DIAPH3: variants seen among roughly 807,000 people sequenced by gnomAD.
DIAPH3 encodes protein diaphanous homolog 3.
DIAPH3 carries 117 observed loss-of-function variants against 144.3 expected under a neutral mutation model. That is an observed-to-expected ratio of 0.81 (90% confidence interval 0.70 to 0.95). DIAPH3 has a LOEUF of 0.95. Ranked by LOEUF, DIAPH3 falls within the 40% of genes least tolerant of loss-of-function variation. DIAPH3 has a pLI of 0.00. For missense variants in DIAPH3, 1,421 were observed against 1,412.7 expected, an observed-to-expected ratio of 1.01 and a Z score of -0.09; for synonymous variants, 519 against 488.9, an observed-to-expected ratio of 1.06 and a Z score of -0.81.
At chr13:60,102,952 A>G (rs1225833) in intron 3 of DIAPH3, among the ~76,000 whole-genome samples, 34,282 of 151,884 alleles carry the variant, frequency 0.23, 4,052 homozygotes, top group South Asian at 0.27. Flanking sequence ...AGTCAGCGGC[A>G]GCCCTTACCT....
At chr13:59,880,777 T>C (rs2044970765) in intron 20 of DIAPH3, among the ~76,000 whole-genome samples, 1 of 151,966 alleles carries the variant, frequency 6.6e-6, no homozygotes, top group Non-Finnish European at 1.5e-5. Flanking sequence ...AGTTCCATTT[T>C]CAAATAATAT....
intron 14 of DIAPH3, 23 bp downstream of exon 14, chr13:59,980,772 T>C (rs746018102): frequency 8.2e-6 from 13 of 1,590,800 alleles, no homozygotes; most frequent in East Asian, 2.2e-5. Context: ...CAGAATACTA[T>C]AAAGTTAGTG....
intron 21 of DIAPH3, among the ~76,000 whole-genome samples, chr13:59,871,183 G>T (rs1205419617): frequency 9.9e-6 from 1 of 101,090 alleles, no homozygotes; most frequent in African/African-American, 3.4e-5. Context: ...TTTATTTTTT[G>T]TCCATTTTTT....
chr13:59,942,459 A>C (rs1223552539), intron 17 of DIAPH3, among the ~76,000 whole-genome samples: 1 of 152,166 alleles, frequency 6.6e-6, no homozygotes, highest in Admixed American at 6.5e-5. Context: ...AAAAAAATCT[A>C]AACATGCTAT....
At chr13:60,104,736 A>C (rs1487759852) in intron 3 of DIAPH3, among the ~76,000 whole-genome samples, 1 of 152,214 alleles carries the variant, frequency 6.6e-6, no homozygotes, top group Non-Finnish European at 1.5e-5. Context: ...AGAATTGTTC[A>C]AGTGTATGCA....
chr13:60,146,784 C>G (rs1475608322), intron 1 of DIAPH3, among the ~76,000 whole-genome samples: 3 of 152,090 alleles, frequency 2.0e-5, no homozygotes, highest in African/African-American at 7.2e-5. Context: ...GATTATCGCA[C>G]CATTCAAACA....
At chr13:59,701,106 G>A (rs1034018699) in intron 27 of DIAPH3, among the ~76,000 whole-genome samples, 9 of 152,026 alleles carry the variant, frequency 5.9e-5, no homozygotes, top group African/African-American at 2.2e-4. Context: ...CCCAGCCTCT[G>A]CCTCCAAGTC....
At chr13:59,887,813 T>C (rs1168144082) in intron 20 of DIAPH3, among the ~76,000 whole-genome samples, 1 of 152,092 alleles carries the variant, frequency 6.6e-6, no homozygotes, top group Non-Finnish European at 1.5e-5. Context: ...TAAAGTCTCA[T>C]TATGATTGAG....
At chr13:59,831,316 T>C (rs2041766562) in intron 24 of DIAPH3, among the ~76,000 whole-genome samples, 1 of 151,864 alleles carries the variant, frequency 6.6e-6, no homozygotes, top group Admixed American at 6.6e-5. Context: ...GAAAAGCCAT[T>C]ATATTCACTG....
chr13:60,080,686 A>G (rs2057527242), intron 4 of DIAPH3, among the ~76,000 whole-genome samples: 1 of 151,886 alleles, frequency 6.6e-6, no homozygotes. Context: ...TTTTCTGTCT[A>G]TAGGATAATT....
At chr13:59,780,886 C>T (rs919657543) in intron 25 of DIAPH3, among the ~76,000 whole-genome samples, 3 of 152,118 alleles carry the variant, frequency 2.0e-5, no homozygotes, top group South Asian at 2.1e-4. Flanking sequence ...GCTGGAAATT[C>T]GGGCCTCAAA....
At chr13:60,083,711 C>A (rs2057642337) in intron 4 of DIAPH3, among the ~76,000 whole-genome samples, 1 of 151,918 alleles carries the variant, frequency 6.6e-6, no homozygotes. Flanking sequence ...AGTGATTGGA[C>A]AGAATAGACC....
At chr13:59,723,407 T>C (rs925170614) in intron 27 of DIAPH3, among the ~76,000 whole-genome samples, 9 of 152,116 alleles carry the variant, frequency 5.9e-5, no homozygotes, top group Non-Finnish European at 1.2e-4. Flanking sequence ...CAACTTTCCA[T>C]AAGATGTTAT....
intron 2 of DIAPH3, among the ~76,000 whole-genome samples, chr13:60,132,184 T>C (rs1233852184): frequency 6.6e-6 from 1 of 152,200 alleles, no homozygotes; most frequent in Non-Finnish European, 1.5e-5. Context: ...TATTCTGCCT[T>C]ACCCAGGTGC....
chr13:59,896,451 G>C (rs2046103740), intron 20 of DIAPH3, among the ~76,000 whole-genome samples: 1 of 152,046 alleles, frequency 6.6e-6, no homozygotes, highest in African/African-American at 2.4e-5. Flanking sequence ...AAGTTAATCA[G>C]ACTAAAGGAA....
intron 22 of DIAPH3, among the ~76,000 whole-genome samples, chr13:59,857,985 T>C (rs762332197): frequency 1.1e-4 from 17 of 152,038 alleles, no homozygotes; most frequent in Non-Finnish European, 2.2e-4. Context: ...AGGTTAAGGG[T>C]GTAGGAATCA....
At chr13:60,125,394 ATTTTTTTTTTTTTTT>A (rs56267083) in intron 2 of DIAPH3, among the ~76,000 whole-genome samples, 4 of 97,830 alleles carry the variant, frequency 4.1e-5, no homozygotes, top group Non-Finnish European at 7.8e-5. Context: ...CACCCAGCTA[ATTTTTTTTTTTTTTT>A]TTTTTTTTTT....
chr13:60,116,340 A>T (rs540198668), intron 2 of DIAPH3, among the ~76,000 whole-genome samples: 1 of 152,220 alleles, frequency 6.6e-6, no homozygotes, highest in Admixed American at 6.5e-5. Context: ...CTCTGGAATA[A>T]CTCAGAAACA....
At chr13:59,803,706 A>G (rs1213546599) in intron 25 of DIAPH3, among the ~76,000 whole-genome samples, 2 of 152,232 alleles carry the variant, frequency 1.3e-5, no homozygotes, top group Non-Finnish European at 2.9e-5. Context: ...GTATAGCTGC[A>G]TGGAGAAGAC....
Sources: allele counts gnomAD v4.1 joint callset (sites outside exome capture counted in the v4.1 genomes callset), GRCh38; gene constraint gnomAD v4.1.1; transcripts MANE v1.5; gene names NCBI Gene and HGNC (gene_info 2026-07-23, HGNC 2026-07-21).